The following MADD variants were observed in gnomAD, a reference collection of about 807,000 sequenced individuals.
MADD encodes the protein MAP kinase activating death domain.
MADD carries 109 observed loss-of-function variants against 176.7 expected under a neutral mutation model. The observed-to-expected ratio is 0.62, with a 90% CI of 0.53 to 0.72. The LOEUF is 0.72. Among genes scored for constraint, MADD ranks in the 30% least tolerant of loss-of-function variants. The pLI, the probability that MADD is intolerant of heterozygous loss-of-function variation, is 0.00. For synonymous variants in MADD, 771 were observed against 771.3 expected, an observed-to-expected ratio of 1.00 and a Z score of 0.01; for missense variants, 1,914 against 2,045.5, an observed-to-expected ratio of 0.94 and a Z score of 1.24.
exon 3 of MADD, chr11:47,274,816 T>A (rs754664206): frequency 6.2e-7 from 1 of 1,614,158 alleles, no homozygotes; most frequent in South Asian, 1.1e-5. Flanking sequence ...AAAGCGAATC[T>A]CTAAGGAGAA....
chr11:47,281,215 C>G (rs1054783495), intron 7 of MADD, among the ~76,000 whole-genome samples: 1 of 152,134 alleles, frequency 6.6e-6, no homozygotes, highest in Admixed American at 6.5e-5. Flanking sequence ...AATTTCCATT[C>G]TATATAATTT....
intron 27 of MADD, among the ~76,000 whole-genome samples, chr11:47,319,083 C>T (rs1259525126): frequency 6.7e-6 from 1 of 149,672 alleles, no homozygotes; most frequent in Non-Finnish European, 1.5e-5. Context: ...GCTGGGATTA[C>T]AGGTGTGAGC....
intron 15 of MADD, 43 bp downstream of exon 16, chr11:47,289,070 C>A: frequency 6.5e-7 from 1 of 1,538,388 alleles, no homozygotes; most frequent in Non-Finnish European, 8.8e-7. Context: ...TTTTTTTTCT[C>A]TAGCATCTTC....
In MADD at chr11:47,283,255, G is replaced by A. The variant is rs185230632; in HGVS notation, c.1862+286G>A. Among the ~76,000 whole-genome samples, 526 of 151,488 alleles carry A rather than the reference G, an allele frequency of 3.5e-3. 5 individuals are homozygous for A. The highest frequency in any genetic ancestry group is 9.0e-3 in the African/African-American group (370 of 41,290). Reference sequence around the variant, plus strand: ...ACTACAGGCGCCCGCCACCACGCCCGGCTAATTTTTTGTATTTTTAGTAGA... The same window carrying A: ...ACTACAGGCGCCCGCCACCACGCCCAGCTAATTTTTTGTATTTTTAGTAGA... On this transcript the variant is annotated intron_variant, in intron 10 of 32. Transcript: ENST00000402192.
exon 8 of MADD, chr11:47,281,597 A>G: frequency 6.2e-7 from 1 of 1,611,696 alleles, no homozygotes; most frequent in Non-Finnish European, 8.5e-7. Context: ...ATGAGTCTCA[A>G]CACCCAGCCC....
At chr11:47,316,577 A>G (rs1278845174) in intron 27 of MADD, among the ~76,000 whole-genome samples, 1 of 150,570 alleles carries the variant, frequency 6.6e-6, no homozygotes, top group African/African-American at 2.4e-5. Context: ...TTTAGTAGGG[A>G]TGGGGTTTCA....
chr11:47,307,299 C>T (rs915378637), intron 22 of MADD, among the ~76,000 whole-genome samples: 3 of 152,088 alleles, frequency 2.0e-5, no homozygotes, highest in African/African-American at 7.2e-5. Context: ...GATGGAGTAT[C>T]GGTCTTGCAG....
intron 27 of MADD, among the ~76,000 whole-genome samples, chr11:47,319,643 AATTT>A (rs957143605): frequency 3.3e-5 from 5 of 152,178 alleles, no homozygotes; most frequent in African/African-American, 1.2e-4. Context: ...GTGCAAATAT[AATTT>A]ATTTATATGG....
In MADD at chr11:47,292,539, G is replaced by T. The variant is rs745492699; in HGVS notation, c.3302-1344G>T. On this transcript the variant is annotated intron_variant, in intron 19 of 32. Transcript: ENST00000402192. ...CTCTCCTGCTTGCATTGCATCTGGG[G>T]TAGAATTGTGGAACAAGCACCAGGA... 6.2e-7 allele frequency: 1 copy of T among 1,613,834 alleles called. No homozygotes were observed. The highest frequency in any genetic ancestry group is 8.5e-7 in the Non-Finnish European group (1 of 1,179,912).
chr11:47,309,946 A>T (rs936835972), intron 25 of MADD, among the ~76,000 whole-genome samples: 1 of 149,630 alleles, frequency 6.7e-6, no homozygotes, highest in Non-Finnish European at 1.5e-5. Context: ...AGTTCAAGTG[A>T]TTCTTGTGCC....
chr11:47,328,554 A>T, intron 31 of MADD, 104 bp from the exon 36 acceptor site: 1 of 1,566,582 alleles, frequency 6.4e-7, no homozygotes, highest in Non-Finnish European at 8.7e-7. Flanking sequence ...GAGGCCACAG[A>T]GGGGAAGGGG....
intron 7 of MADD, among the ~76,000 whole-genome samples, chr11:47,279,381 C>CTTTTTTTTT (rs34428529): frequency 8.6e-6 from 1 of 116,820 alleles, no homozygotes; most frequent in African/African-American, 3.3e-5. Flanking sequence ...TTTTCTCAGT[C>CTTTTTTTTT]TTTTTTTTTT....
At chr11:47,318,322 GT>G (rs1227797728) in intron 27 of MADD, among the ~76,000 whole-genome samples, 1 of 152,156 alleles carries the variant, frequency 6.6e-6, no homozygotes, top group East Asian at 1.9e-4. Context: ...CACATTCACA[GT>G]TTTTTTGAAC....
chr11:47,295,400 G>A, intron 20 of MADD, 96 bp from the exon 23 acceptor site: 1 of 940,972 alleles, frequency 1.1e-6, no homozygotes, highest in South Asian at 1.4e-5. Flanking sequence ...GATAACAGAA[G>A]GGTGGGGATG....
chr11:47,308,548 C>G (rs780146788), intron 22 of MADD, 43 bp from the exon 25 acceptor site: 2 of 1,470,530 alleles, frequency 1.4e-6, no homozygotes, highest in South Asian at 1.2e-5. Context: ...TGTCTCTATT[C>G]ATTGCTACCT....
chr11:47,281,923 C>G (rs1226939069), intron 8 of MADD, among the ~76,000 whole-genome samples, 170 bp downstream of exon 8: 3 of 137,686 alleles, frequency 2.2e-5, no homozygotes, highest in African/African-American at 8.3e-5. Flanking sequence ...CAACTTCCAC[C>G]TCCCGGGTTC....
At chr11:47,288,355 G>C (rs558278294) in intron 15 of MADD, among the ~76,000 whole-genome samples, 30 of 152,302 alleles carry the variant, frequency 2.0e-4, no homozygotes, top group African/African-American at 6.5e-4. Flanking sequence ...GTGAGGATGG[G>C]AACATTGGAT....
At chr11:47,277,706 G>A (rs548840337) in intron 5 of MADD, among the ~76,000 whole-genome samples, 55 of 152,228 alleles carry the variant, frequency 3.6e-4, no homozygotes, top group Non-Finnish European at 4.1e-4. Context: ...GAACACAAAC[G>A]CTGAGATTGT....
intron 26 of MADD, among the ~76,000 whole-genome samples, chr11:47,314,852 G>A (rs940589371): frequency 1.3e-5 from 2 of 152,010 alleles, no homozygotes; most frequent in Non-Finnish European, 2.9e-5. Flanking sequence ...ATGTGAAACA[G>A]TGCCTTTTTT....
Sources: gnomAD v4.1 joint callset for allele counts (sites outside exome capture counted in the v4.1 genomes callset) on GRCh38, gnomAD v4.1.1 for gene constraint, MANE v1.5 for transcripts, NCBI Gene and HGNC (gene_info 2026-07-23, HGNC 2026-07-21) for gene names.